The following SH3GL3 variants were observed in gnomAD, a reference collection of about 807,000 sequenced individuals.
SH3GL3 encodes the protein endophilin-A3.
A neutral mutation model predicts 47.7 loss-of-function variants in SH3GL3; 33 were observed. The ratio of observed to expected loss-of-function variants is 0.69; its 90% CI spans 0.52 to 0.92. The LOEUF is 0.92. Among genes scored for constraint, SH3GL3 ranks in the 40% least tolerant of loss-of-function variants. The pLI is 0.00. For missense variants in SH3GL3, 363 were observed against 417.8 expected, an observed-to-expected ratio of 0.87 and a Z score of 1.14; for synonymous variants, 155 against 148.8, an observed-to-expected ratio of 1.04 and a Z score of -0.30.
chr15:83,605,583 G>A (rs928308945), intron 8 of SH3GL3, among the ~76,000 whole-genome samples: 3 of 149,108 alleles, frequency 2.0e-5, no homozygotes, highest in African/African-American at 5.2e-5. Context: ...AAGAACATAA[G>A]TCAATTAAGC....
intron 1 of SH3GL3, among the ~76,000 whole-genome samples, chr15:83,517,730 T>C (rs1000861867): frequency 1.3e-5 from 2 of 151,474 alleles, no homozygotes; most frequent in Non-Finnish European, 1.5e-5. Flanking sequence ...CAGATCTCTC[T>C]CTCTTCTTTT....
intron 1 of SH3GL3, among the ~76,000 whole-genome samples, chr15:83,534,028 G>A (rs925593554): frequency 2.0e-5 from 3 of 152,142 alleles, no homozygotes; most frequent in African/African-American, 7.2e-5. Flanking sequence ...GATGTTTGGG[G>A]TGCTGTGTTT....
At chr15:83,536,484 A>G (rs1472825735) in intron 1 of SH3GL3, among the ~76,000 whole-genome samples, 2 of 148,802 alleles carry the variant, frequency 1.3e-5, no homozygotes, top group African/African-American at 5.0e-5. Flanking sequence ...GCTCACTGCA[A>G]CCTCTGCCTT....
chr15:83,566,365 A>AGTGTGTGTGTGTGTGT (rs57323112), intron 3 of SH3GL3, among the ~76,000 whole-genome samples: 8 of 136,692 alleles, frequency 5.9e-5, no homozygotes, highest in South Asian at 5.2e-4. Flanking sequence ...AGAGAGAGAG[A>AGTGTGTGTGTGTGTGT]GTGTGTGTGT....
chr15:83,623,185 C>T (rs1198207702), downstream of SH3GL3, among the ~76,000 whole-genome samples: 1 of 152,188 alleles, frequency 6.6e-6, no homozygotes, highest in Non-Finnish European at 1.5e-5. Context: ...AAACCTTAAC[C>T]CTTCTCTCAT....
At chr15:83,623,967 A>G in the SH3GL3 span, among the ~76,000 whole-genome samples, 1 of 152,012 alleles carries the variant, frequency 6.6e-6, no homozygotes, top group Non-Finnish European at 1.5e-5. Flanking sequence ...TTGTATTTTT[A>G]GTGGAGACGG....
intron 1 of SH3GL3, among the ~76,000 whole-genome samples, chr15:83,450,566 G>A (rs2039691954): frequency 6.6e-6 from 1 of 151,884 alleles, no homozygotes; most frequent in African/African-American, 2.4e-5. Flanking sequence ...GTAAACCCTG[G>A]GGATTATGCA....
At chr15:83,497,367 C>T (rs1264719075) in intron 1 of SH3GL3, among the ~76,000 whole-genome samples, 1 of 152,124 alleles carries the variant, frequency 6.6e-6, no homozygotes, top group Non-Finnish European at 1.5e-5. Flanking sequence ...CTACTCTGGA[C>T]CCGAGCAGCT....
At chr15:83,488,582 T>G (rs1237100159) in intron 1 of SH3GL3, among the ~76,000 whole-genome samples, 1 of 152,218 alleles carries the variant, frequency 6.6e-6, no homozygotes, top group African/African-American at 2.4e-5. Context: ...TTTACTTTCA[T>G]GCGGGGGAAA....
chr15:83,559,154 T>C (rs2045117270), intron 1 of SH3GL3, 99 bp from the exon 2 acceptor site: 1 of 717,022 alleles, frequency 1.4e-6, no homozygotes, highest in East Asian at 2.7e-5. Flanking sequence ...ATCCAACAAG[T>C]TGAATCCAAG....
intron 1 of SH3GL3, among the ~76,000 whole-genome samples, chr15:83,463,146 C>G (rs900252999): frequency 3.3e-5 from 5 of 152,314 alleles, no homozygotes; most frequent in African/African-American, 1.2e-4. Context: ...AATAACTCCA[C>G]AAGAAATTCC....
intron 8 of SH3GL3, among the ~76,000 whole-genome samples, chr15:83,595,334 G>A (rs755287518): frequency 6.6e-6 from 1 of 152,082 alleles, no homozygotes; most frequent in Non-Finnish European, 1.5e-5. Flanking sequence ...GGGAATAATA[G>A]CCAGTGGGGC....
At chr15:83,491,024 A>G in intron 1 of SH3GL3, 2 of 1,509,774 alleles carry the variant, frequency 1.3e-6, no homozygotes, top group South Asian at 1.3e-5. Flanking sequence ...AAAAGTGGGA[A>G]GCCTTGTATT....
At chr15:83,572,267 CCA>C (rs2045857612) in intron 4 of SH3GL3, among the ~76,000 whole-genome samples, 2 of 152,154 alleles carry the variant, frequency 1.3e-5, no homozygotes, top group Admixed American at 6.5e-5. Context: ...TCCCAAATTA[CCA>C]GTTTTTTAGA....
chr15:83,488,725 G>A lies in SH3GL3; in HGVS notation c.45+41147G>A, dbSNP rs182227577. On this transcript the variant is annotated intron_variant, in intron 1 of 8. Transcript: ENST00000427482. ...TGGCACAGTTGTCACCCCCTGCCCA[G>A]CTGCCTCTGCAGCCACTTTGGGTTT... Among the ~76,000 whole-genome samples the A allele has an allele frequency of 2.6e-4, 39 of 152,346 alleles. No individual in the cohort carries two copies. The East Asian group carries it at 7.3e-3, about 29-fold the overall frequency.
rs540948747 is a variant in SH3GL3 at position 83,535,004 on chromosome 15, T to A, written c.46-24249T>A. 5.9e-5 allele frequency among the ~76,000 whole-genome samples: 9 copies of A among 152,302 alleles called. No homozygotes were observed. In the South Asian group the frequency reaches 1.7e-3, roughly 28 times the overall value. ...ACCCAGGAATGGAGGGAACTTTACT[T>A]CTTAATTCTTATAATGAAGTCAAAG... On this transcript the variant is annotated intron_variant, in intron 1 of 8. Transcript: ENST00000427482.
intron 8 of SH3GL3, among the ~76,000 whole-genome samples, chr15:83,600,995 C>A (rs558738751): frequency 6.6e-6 from 1 of 151,558 alleles, no homozygotes; most frequent in East Asian, 1.9e-4. Flanking sequence ...AGCTTGGTCT[C>A]TGTTGGTATA....
At chr15:83,626,767 T>C in the SH3GL3 span, among the ~76,000 whole-genome samples, 1 of 152,212 alleles carries the variant, frequency 6.6e-6, no homozygotes, top group East Asian at 1.9e-4. Context: ...ACTTGTCTCT[T>C]TGTCCTTGAC....
intron 1 of SH3GL3, among the ~76,000 whole-genome samples, chr15:83,475,362 C>G: frequency 6.6e-6 from 1 of 151,874 alleles, no homozygotes; most frequent in Non-Finnish European, 1.5e-5. Context: ...GCCTGTAATC[C>G]CAGCTACTCG....
Sources: gnomAD v4.1 joint callset for allele counts (sites outside exome capture counted in the v4.1 genomes callset) on GRCh38, gnomAD v4.1.1 for gene constraint, MANE v1.5 for transcripts, NCBI Gene and HGNC (gene_info 2026-07-23, HGNC 2026-07-21) for gene names.